Variants in FRAS1 observed in about 807,000 individuals in gnomAD.
FRAS1 encodes extracellular matrix organizing protein FRAS1.
FRAS1 carries 290 observed loss-of-function variants against 435.2 expected under a neutral mutation model. That is an observed-to-expected ratio of 0.67 (90% CI 0.61 to 0.73). The LOEUF is 0.73. Ranked by LOEUF, FRAS1 falls within the 30% of genes least tolerant of loss-of-function variation. The pLI is 0.00. For synonymous variants in FRAS1, 1,800 were observed against 1,851.0 expected (o/e 0.97, Z 0.71); for missense variants, 4,860 against 5,001.5 (o/e 0.97, Z 0.85).
At chr4:78,309,735 C>G (rs1254416588) in intron 15 of FRAS1, among the ~76,000 whole-genome samples, 1 of 152,118 alleles carries the variant, frequency 6.6e-6, no homozygotes, top group Non-Finnish European at 1.5e-5. Context: ...CTTCTGTCAG[C>G]CTTTAGATGA....
intron 29 of FRAS1, among the ~76,000 whole-genome samples, chr4:78,397,377 T>C (rs1732712633): frequency 1.3e-5 from 2 of 152,210 alleles, no homozygotes; most frequent in South Asian, 4.1e-4. Flanking sequence ...GTTAGTTCCC[T>C]GAAGTAATCA....
rs75696404 is a variant in FRAS1 at position 78,386,314 on chromosome 4, G to A, written c.3649-1061G>A. ...AAATTTTCTCATGCAAGTTAATTTCGTCTTTTCCATTTGTGAATTTTGACA... is the reference window on the plus strand; with the variant it reads ...AAATTTTCTCATGCAAGTTAATTTCATCTTTTCCATTTGTGAATTTTGACA... On this transcript the variant is annotated intron_variant, in intron 28 of 73. Transcript: ENST00000512123. 5.7e-3 allele frequency among the ~76,000 whole-genome samples: 873 copies of A among 152,092 alleles called. 7 individuals carry two copies. Among genetic ancestry groups the A allele is most frequent in the African/African-American group, 0.018 (754 of 41,464 alleles).
rs773007418 is a variant in FRAS1 at position 78,318,929 on chromosome 4, G to A, written c.2080G>A (p.Glu694Lys). ...QLSDVGIPSG[E>K]CLAQCRAHFY... ...GTCTGACGTGGGCATCCCCTCTGGC[G>A]AGTGTCTAGCCCAGTGTAGAGCCCA... Residue 694 changes from glutamate to lysine, a missense_variant, in exon 18 of 74, where the codon GAG becomes AAG. Coordinates refer to ENST00000512123, the MANE Select transcript of FRAS1 (RefSeq NM_025074.7). 4.5e-5 allele frequency: 72 copies of A among 1,613,974 alleles called. No homozygotes were observed. The highest frequency in any genetic ancestry group is 3.3e-4 in the South Asian group (30 of 91,078).
At chr4:78,456,324 G>A (rs1719201933) in intron 47 of FRAS1, among the ~76,000 whole-genome samples, 1 of 151,926 alleles carries the variant, frequency 6.6e-6, no homozygotes, top group Non-Finnish European at 1.5e-5. Flanking sequence ...CGTATTTTTA[G>A]TAGAGACAGG....
rs143464107 is a variant in FRAS1 at position 78,290,181 on chromosome 4, A to C, written c.1534+3642A>C. Among the ~76,000 whole-genome samples, 878 of 152,332 alleles carry C rather than the reference A, an allele frequency of 5.8e-3. 8 individuals carry two copies. The highest frequency in any genetic ancestry group is 0.02 in the African/African-American group (827 of 41,576). ...AATGAGTAATTTTAACGTAAGGTTA[A>C]AATTATAAGGTTACAACTCATAAGG... is the stretch of plus-strand genomic sequence containing the variant. On this transcript the variant is annotated intron_variant, in intron 14 of 73. Coordinates refer to ENST00000512123, the MANE Select transcript of FRAS1 (RefSeq NM_025074.7).
intron 29 of FRAS1, among the ~76,000 whole-genome samples, chr4:78,389,199 G>C (rs964710976): frequency 5.3e-5 from 8 of 152,218 alleles, no homozygotes; most frequent in Non-Finnish European, 1.2e-4. Context: ...CCTTTACTCA[G>C]TTGCATCAAG....
intron 26 of FRAS1, among the ~76,000 whole-genome samples, chr4:78,378,220 G>T (rs539914095): frequency 6.6e-6 from 1 of 152,096 alleles, no homozygotes; most frequent in African/African-American, 2.4e-5. Context: ...ATATTTTCAA[G>T]GTTCATCCAT....
chr4:78,087,566 C>A (rs1218017331), intron 2 of FRAS1, among the ~76,000 whole-genome samples: 2 of 152,228 alleles, frequency 1.3e-5, no homozygotes, highest in Non-Finnish European at 2.9e-5. Flanking sequence ...TGATAAGCAA[C>A]TTCAGCAAAA....
chr4:78,328,881 A>G (rs1452363989), intron 18 of FRAS1, among the ~76,000 whole-genome samples: 1 of 152,216 alleles, frequency 6.6e-6, no homozygotes, highest in African/African-American at 2.4e-5. Context: ...TCATCATTCT[A>G]CTTTGCATAG....
chr4:78,315,953 C>T (rs761728296), intron 16 of FRAS1, among the ~76,000 whole-genome samples: 10 of 152,124 alleles, frequency 6.6e-5, no homozygotes, highest in African/African-American at 1.7e-4. Context: ...GAAGGACTTA[C>T]GCATATTAAT....
intron 15 of FRAS1, among the ~76,000 whole-genome samples, chr4:78,311,754 T>G (rs1560646605): frequency 6.6e-6 from 1 of 152,222 alleles, no homozygotes; most frequent in Non-Finnish European, 1.5e-5. Flanking sequence ...TTTTTTCTGG[T>G]CAAGAGGTGT....
At chr4:78,356,040 T>C (rs941416600) in intron 20 of FRAS1, among the ~76,000 whole-genome samples, 1 of 152,184 alleles carries the variant, frequency 6.6e-6, no homozygotes, top group African/African-American at 2.4e-5. Flanking sequence ...ACTGGTGTCA[T>C]AGCAGTTTAT....
At chr4:78,254,807 G>T (rs1032822309) in intron 5 of FRAS1, among the ~76,000 whole-genome samples, 2 of 152,118 alleles carry the variant, frequency 1.3e-5, no homozygotes, top group Admixed American at 1.3e-4. Context: ...TATTTGGCAT[G>T]TTTTTTAGTT....
chr4:78,086,244 C>A (rs1324517125), intron 2 of FRAS1, among the ~76,000 whole-genome samples: 2 of 152,136 alleles, frequency 1.3e-5, no homozygotes, highest in Non-Finnish European at 2.9e-5. Context: ...AAAGACACAA[C>A]ATACCAGAAT....
At chr4:78,531,295 T>A (rs1721704498) in intron 70 of FRAS1, among the ~76,000 whole-genome samples, 1 of 152,210 alleles carries the variant, frequency 6.6e-6, no homozygotes, top group Non-Finnish European at 1.5e-5. Flanking sequence ...ACAGAGGCAA[T>A]TTGACTTCCT....
At chr4:78,198,213 G>A (rs1722900690) in intron 2 of FRAS1, among the ~76,000 whole-genome samples, 2 of 152,340 alleles carry the variant, frequency 1.3e-5, no homozygotes, top group South Asian at 4.1e-4. Context: ...TGGCTTACAA[G>A]TGTAGGAGGA....
At position 78,252,549 on chromosome 4, in the gene FRAS1, G is replaced by A; in HGVS notation, c.467G>A (p.Gly156Glu). ...TGCTGCCCAGTTTGTGTGGGCCTTG[G>A]GAGTGAGTATGAGCTTGTAGAAGGG... ...GSCCPVCVGL[G>E]KPCSYEGHVF... The change falls in exon 5 of 74, where the codon GGG becomes GAG. Residue 156 changes from glycine (G) to glutamate (E), a missense_variant and splice_region_variant. Transcript: ENST00000512123. 2 of 1,612,764 alleles carry A rather than the reference G, an allele frequency of 1.2e-6. No homozygotes were observed. The highest frequency in any genetic ancestry group is 1.7e-6 in the Non-Finnish European group (2 of 1,179,300).
chr4:78,463,941 AG>A, intron 47 of FRAS1, 79 bp from the exon 48 acceptor site: 1 of 1,469,526 alleles, frequency 6.8e-7, no homozygotes, highest in Non-Finnish European at 9.5e-7. Flanking sequence ...ATCTGGTGAG[AG>A]TATGACACTT....
intron 2 of FRAS1, among the ~76,000 whole-genome samples, chr4:78,083,771 T>TTAGC (rs986639058): frequency 6.6e-6 from 1 of 151,974 alleles, no homozygotes; most frequent in Non-Finnish European, 1.5e-5. Flanking sequence ...GAGTTACCTG[T>TTAGC]TAGCTTCTCA....
Sources: gnomAD v4.1 joint callset for allele counts (sites outside exome capture counted in the v4.1 genomes callset) on GRCh38, gnomAD v4.1.1 for gene constraint, MANE v1.5 for transcripts, NCBI Gene and HGNC (gene_info 2026-07-23, HGNC 2026-07-21) for gene names.